Variants in ACVR1 observed in about 807,000 individuals in gnomAD.
ACVR1 encodes the protein activin receptor type-1.
In ACVR1, 38 loss-of-function variants were observed where a neutral mutation model predicts 57.1. The ratio of observed to expected loss-of-function variants is 0.67; its 90% CI spans 0.51 to 0.87. The LOEUF is 0.87. ACVR1 is among the 40% of genes least tolerant of loss of function. The pLI is 0.00. For missense variants in ACVR1, 463 were observed against 638.2 expected (o/e 0.73, Z 2.96); for synonymous variants, 212 against 228.1 (o/e 0.93, Z 0.63).
Position 157,865,821 on chromosome 2 carries a change from AAGATAGATAGATAGATAGAT to A in ACVR1, c.-183+9955_-183+9974del, listed in dbSNP as rs57214423. Among the ~76,000 whole-genome samples, 867 of 137,028 alleles carry A rather than the reference AAGATAGATAGATAGATAGAT, an allele frequency of 6.3e-3. 3 individuals are homozygous for A. The highest frequency in any genetic ancestry group is 0.011 in the Middle Eastern group (3 of 270). The allele number at this position is 137,028 out of a possible 152,430, so 89.9% of individuals were successfully genotyped here. A position where few individuals can be genotyped will look rare whatever the true frequency, so the allele number is the denominator to read the frequency against. On this transcript the variant is annotated intron_variant, in intron 1 of 10. Coordinates refer to ENST00000434821, the MANE Select transcript of ACVR1 (RefSeq NM_001111067.4). Reference sequence around the variant, plus strand: ...AAAAAAAAAAAAAAGAAAAAGAAAAAAGATAGATAGATAGATAGATAGATAGATAGATAGATAGATAGATT... The same window carrying A: ...AAAAAAAAAAAAAAGAAAAAGAAAAAAGATAGATAGATAGATAGATAGATT...
intron 3 of ACVR1, among the ~76,000 whole-genome samples, chr2:157,787,714 G>T (rs1240790365): frequency 2.0e-5 from 3 of 152,128 alleles, no homozygotes; most frequent in African/African-American, 4.8e-5. Flanking sequence ...ACCTCCTCGG[G>T]CTAACCAGAG....
At chr2:157,851,912 ACCC>A (rs1559094092) in intron 1 of ACVR1, among the ~76,000 whole-genome samples, 1 of 16,196 alleles carries the variant, frequency 6.2e-5, no homozygotes, top group South Asian at 1.7e-3. Flanking sequence ...CACACACACC[ACCC>A]CCACCCCACC....
intron 2 of ACVR1, among the ~76,000 whole-genome samples, chr2:157,801,922 TGC>T (rs1352019131): frequency 1.3e-5 from 2 of 152,192 alleles, no homozygotes; most frequent in Admixed American, 6.5e-5. Flanking sequence ...ACCTACTATG[TGC>T]TACATATTAG....
intron 7 of ACVR1, among the ~76,000 whole-genome samples, chr2:157,767,253 A>C (rs1685899672): frequency 1.3e-5 from 2 of 152,078 alleles, no homozygotes; most frequent in Non-Finnish European, 2.9e-5. Context: ...CGCTGGTCTC[A>C]AACTCCTGAC....
chr2:157,803,380 G>A (rs1444947672), intron 2 of ACVR1, among the ~76,000 whole-genome samples: 1 of 152,090 alleles, frequency 6.6e-6, no homozygotes, highest in Non-Finnish European at 1.5e-5. Context: ...CAACTTACTG[G>A]TTGCCATTTT....
chr2:157,874,540 A>T (rs1239301503), intron 1 of ACVR1, among the ~76,000 whole-genome samples: 1 of 152,158 alleles, frequency 6.6e-6, no homozygotes, highest in East Asian at 1.9e-4. Flanking sequence ...GACATACTAT[A>T]GTGTTTCCAT....
intron 9 of ACVR1, among the ~76,000 whole-genome samples, chr2:157,750,408 C>A (rs1250246498): frequency 6.6e-6 from 1 of 152,198 alleles, no homozygotes; most frequent in Non-Finnish European, 1.5e-5. Flanking sequence ...GCCCAAGGAC[C>A]AGTCTTCCTG....
At chr2:157,868,714 C>T (rs1036411977) in intron 1 of ACVR1, among the ~76,000 whole-genome samples, 5 of 152,062 alleles carry the variant, frequency 3.3e-5, no homozygotes, top group African/African-American at 9.7e-5. Flanking sequence ...AACTTGTGAC[C>T]AAGATATTCA....
At chr2:157,828,579 G>A (rs2105341544) in intron 1 of ACVR1, among the ~76,000 whole-genome samples, 1 of 151,966 alleles carries the variant, frequency 6.6e-6, no homozygotes, top group Non-Finnish European at 1.5e-5. Context: ...ATGTCACTGC[G>A]CTCCAGCCTG....
At chr2:157,854,792 C>T (rs1277201941) in intron 1 of ACVR1, among the ~76,000 whole-genome samples, 2 of 151,572 alleles carry the variant, frequency 1.3e-5, no homozygotes, top group African/African-American at 4.8e-5. Flanking sequence ...GTAATCTCAG[C>T]ACTTTGGGAG....
intron 3 of ACVR1, among the ~76,000 whole-genome samples, chr2:157,794,400 G>T (rs1372483782): frequency 6.6e-6 from 1 of 152,196 alleles, no homozygotes; most frequent in Non-Finnish European, 1.5e-5. Context: ...CCCAGGTGAA[G>T]GGGCCTCATC....
At chr2:157,802,349 G>T (rs1687355869) in intron 2 of ACVR1, among the ~76,000 whole-genome samples, 1 of 152,098 alleles carries the variant, frequency 6.6e-6, no homozygotes, top group Non-Finnish European at 1.5e-5. Flanking sequence ...CGCAAGAATG[G>T]CCAGGACACA....
At chr2:157,769,647 G>A (rs1237925162) in intron 7 of ACVR1, among the ~76,000 whole-genome samples, 1 of 152,170 alleles carries the variant, frequency 6.6e-6, no homozygotes. Context: ...CCATAAGGTG[G>A]CCAACACTAT....
intron 9 of ACVR1, among the ~76,000 whole-genome samples, chr2:157,744,870 G>A (rs1435351876): frequency 6.6e-6 from 1 of 152,250 alleles, no homozygotes; most frequent in African/African-American, 2.4e-5. Context: ...CACTGCCAGA[G>A]GGTTATGAGA....
intron 1 of ACVR1, among the ~76,000 whole-genome samples, chr2:157,869,429 G>A (rs1652733266): frequency 6.6e-6 from 1 of 152,052 alleles, no homozygotes; most frequent in South Asian, 2.1e-4. Context: ...TTCTCTAACT[G>A]CTTATTAGGA....
At chr2:157,781,805 A>AGTTTC (rs1574058454) in intron 3 of ACVR1, among the ~76,000 whole-genome samples, 1 of 152,376 alleles carries the variant, frequency 6.6e-6, no homozygotes, top group East Asian at 1.9e-4. Flanking sequence ...CTGGTCCCAC[A>AGTTTC]GTTTCTACTA....
intron 8 of ACVR1, among the ~76,000 whole-genome samples, chr2:157,764,391 A>G (rs1374270486): frequency 1.4e-5 from 2 of 140,862 alleles, no homozygotes; most frequent in African/African-American, 2.7e-5. Flanking sequence ...TATTTTTAGT[A>G]GAGATGGGGT....
intron 2 of ACVR1, among the ~76,000 whole-genome samples, 157 bp downstream of exon 2, chr2:157,818,228 A>G (rs563914788): frequency 3.3e-5 from 5 of 152,318 alleles, no homozygotes; most frequent in African/African-American, 1.2e-4. Flanking sequence ...TATTGGATTC[A>G]TATAAAAAAA....
At chr2:157,782,454 A>G (rs1686557333) in intron 3 of ACVR1, among the ~76,000 whole-genome samples, 1 of 152,264 alleles carries the variant, frequency 6.6e-6, no homozygotes, top group Admixed American at 6.5e-5. Flanking sequence ...GCAAAGAGAT[A>G]GTCTTTATGT....
Sources: allele counts gnomAD v4.1 joint callset (sites outside exome capture counted in the v4.1 genomes callset), GRCh38; gene constraint gnomAD v4.1.1; transcripts MANE v1.5; gene names NCBI Gene and HGNC (gene_info 2026-07-23, HGNC 2026-07-21).